SPA17: variants seen among roughly 807,000 people sequenced by gnomAD.
SPA17 encodes the protein sperm autoantigenic protein 17, also known as sperm surface protein Sp17.
SPA17 carries 7 observed loss-of-function variants against 13.8 expected under a neutral mutation model. The observed-to-expected ratio is 0.51, with a 90% CI of 0.29 to 0.95. The LOEUF is 0.95. SPA17 is among the 40% of genes least tolerant of loss of function. The pLI, the probability that SPA17 is intolerant of heterozygous loss-of-function variation, is 0.08. For synonymous variants in SPA17, 61 were observed against 59.0 expected, an observed-to-expected ratio of 1.03 and a Z score of -0.16; for missense variants, 170 against 179.3, an observed-to-expected ratio of 0.95 and a Z score of 0.30.
chr11:124,689,248 T>G (rs1943602375), intron 3 of SPA17, among the ~76,000 whole-genome samples: 1 of 152,088 alleles, frequency 6.6e-6, no homozygotes, highest in African/African-American at 2.4e-5. Flanking sequence ...TGGATATTGG[T>G]CTAGGCAAAG....
intron 3 of SPA17, among the ~76,000 whole-genome samples, chr11:124,688,032 G>A (rs1254633118): frequency 6.6e-6 from 1 of 152,154 alleles, no homozygotes; most frequent in Non-Finnish European, 1.5e-5. Context: ...TATATATTCA[G>A]GGATGGGGTC....
At chr11:124,681,861 G>T (rs1943533314) in intron 3 of SPA17, among the ~76,000 whole-genome samples, 1 of 152,012 alleles carries the variant, frequency 6.6e-6, no homozygotes. Context: ...GCAATAGCAG[G>T]TACTCCACAA....
At chr11:124,677,416 A>G (rs1439681196) in intron 2 of SPA17, among the ~76,000 whole-genome samples, 1 of 152,192 alleles carries the variant, frequency 6.6e-6, no homozygotes, top group Non-Finnish European at 1.5e-5. Flanking sequence ...AAAAAGGTGG[A>G]CTTTTTGTTA....
chr11:124,675,547 C>A, intron 2 of SPA17, 129 bp downstream of exon 2: 2 of 991,956 alleles, frequency 2.0e-6, no homozygotes, highest in Non-Finnish European at 2.9e-6. Context: ...GATAACAGTT[C>A]TTGCTCTTTG....
At chr11:124,685,487 A>G (rs1943569422) in intron 3 of SPA17, among the ~76,000 whole-genome samples, 1 of 152,234 alleles carries the variant, frequency 6.6e-6, no homozygotes, top group Admixed American at 6.5e-5. Flanking sequence ...GTAGTGCAGA[A>G]GGGGAATGTG....
intron 2 of SPA17, among the ~76,000 whole-genome samples, chr11:124,679,774 C>T (rs1407882662): frequency 6.6e-6 from 1 of 152,118 alleles, no homozygotes; most frequent in Non-Finnish European, 1.5e-5. Flanking sequence ...AACAAGGAAG[C>T]TATCAAAGGT....
At chr11:124,684,661 G>A (rs953720181) in intron 3 of SPA17, among the ~76,000 whole-genome samples, 2 of 152,220 alleles carry the variant, frequency 1.3e-5, no homozygotes, top group African/African-American at 4.8e-5. Context: ...GAACTCTTTG[G>A]AGGGCTCAGA....
At chr11:124,686,306 C>A (rs897681934) in intron 3 of SPA17, among the ~76,000 whole-genome samples, 4 of 152,076 alleles carry the variant, frequency 2.6e-5, no homozygotes, top group Admixed American at 1.3e-4. Context: ...TGAGGCCTCC[C>A]CAGCCATGCA....
chr11:124,682,927 C>T (rs997354523), intron 3 of SPA17, among the ~76,000 whole-genome samples: 9 of 150,988 alleles, frequency 6.0e-5, no homozygotes, highest in Admixed American at 5.9e-4. Flanking sequence ...GTTTTCACCA[C>T]AGCACATTAA....
At chr11:124,693,868 TTAAC>T (rs1469696982) in intron 4 of SPA17, among the ~76,000 whole-genome samples, 3 of 152,222 alleles carry the variant, frequency 2.0e-5, no homozygotes, top group Non-Finnish European at 4.4e-5. Context: ...ATGACGATGA[TTAAC>T]TAATCATTGA....
At chr11:124,681,553 T>A in intron 3 of SPA17, 94 bp downstream of exon 3, 1 of 720,170 alleles carries the variant, frequency 1.4e-6, no homozygotes, top group Non-Finnish European at 2.1e-6. Context: ...GAGAATTATG[T>A]GAGGAGGCAT....
intron 3 of SPA17, among the ~76,000 whole-genome samples, chr11:124,689,367 G>A (rs1943603603): frequency 6.6e-6 from 1 of 152,180 alleles, no homozygotes; most frequent in South Asian, 2.1e-4. Context: ...TCAACAGAGT[G>A]AAGAGATAAG....
Position 124,695,087 on chromosome 11 carries a change from A to G in SPA17, c.*641A>G, listed in dbSNP as rs1265740401. ...GCACCACTGCACTCCAGCCTGGGCG[A>G]CAGAGCAAGACTCTGTCTCAAAAAC... On this transcript the variant is annotated 3_prime_UTR_variant, in exon 5 of 5. Transcript: ENST00000227135. 1 of 152,616 alleles carries G rather than the reference A, an allele frequency of 6.6e-6. No individual in the cohort carries two copies. The highest frequency in any genetic ancestry group is 1.5e-5 in the Non-Finnish European group (1 of 68,358). 9.5% of individuals were successfully genotyped at this position (152,616 alleles called of 1,614,324 possible). A position where few individuals can be genotyped will look rare whatever the true frequency, so the allele number is the denominator to read the frequency against.
chr11:124,696,294 G>A lies in SPA17; in HGVS notation c.*1848G>A, dbSNP rs902921149. 1 of 152,112 alleles carries A rather than the reference G, an allele frequency of 6.6e-6. No homozygotes were observed. Among genetic ancestry groups the A allele is most frequent in the Non-Finnish European group, 1.5e-5 (1 of 68,050 alleles). The allele number at this position is 152,112 out of a possible 1,614,324, so 9.4% of individuals were successfully genotyped here. On this transcript the variant is annotated 3_prime_UTR_variant, in exon 5 of 5. Coordinates refer to ENST00000227135, the MANE Select transcript of SPA17 (RefSeq NM_017425.4). ...CTCTCAGACAGAGCCATCCTGCTTAGCGGATTGTCAAGGGGGGACCCAGAA... is the reference window on the plus strand; with the variant it reads ...CTCTCAGACAGAGCCATCCTGCTTAACGGATTGTCAAGGGGGGACCCAGAA...
intron 3 of SPA17, among the ~76,000 whole-genome samples, chr11:124,687,004 G>T (rs1943583974): frequency 6.6e-6 from 1 of 152,094 alleles, no homozygotes; most frequent in Non-Finnish European, 1.5e-5. Flanking sequence ...CAAAAAGTTG[G>T]TTCTTTGAAA....
At chr11:124,686,307 C>A (rs1179246066) in intron 3 of SPA17, among the ~76,000 whole-genome samples, 1 of 152,128 alleles carries the variant, frequency 6.6e-6, no homozygotes, top group East Asian at 1.9e-4. Flanking sequence ...GAGGCCTCCC[C>A]AGCCATGCAG....
chr11:124,680,845 G>A (rs1232402985), intron 2 of SPA17, among the ~76,000 whole-genome samples: 1 of 152,024 alleles, frequency 6.6e-6, no homozygotes, highest in Non-Finnish European at 1.5e-5. Flanking sequence ...TAGACAGTAT[G>A]CTCATGGGAG....
intron 3 of SPA17, among the ~76,000 whole-genome samples, chr11:124,682,616 G>C (rs975293445): frequency 6.6e-6 from 1 of 151,908 alleles, no homozygotes; most frequent in African/African-American, 2.4e-5. Flanking sequence ...ACATTCAAAA[G>C]ATTTAACAAT....
At chr11:124,686,344 C>G (rs1018714976) in intron 3 of SPA17, among the ~76,000 whole-genome samples, 2 of 152,150 alleles carry the variant, frequency 1.3e-5, no homozygotes, top group South Asian at 4.1e-4. Context: ...AACCTCTTTT[C>G]TTTATAAATT....
Sources: allele counts gnomAD v4.1 joint callset (sites outside exome capture counted in the v4.1 genomes callset), GRCh38; gene constraint gnomAD v4.1.1; transcripts MANE v1.5; gene names NCBI Gene and HGNC (gene_info 2026-07-23, HGNC 2026-07-21).